The following TAFA2 variants were observed in gnomAD, a reference collection of about 807,000 sequenced individuals.
The protein encoded by TAFA2 is chemokine-like protein TAFA-2.
A neutral mutation model predicts 18.8 loss-of-function variants in TAFA2; 7 were observed. That is an observed-to-expected ratio of 0.37 (90% CI 0.21 to 0.70). The LOEUF (loss-of-function observed/expected upper bound fraction) is 0.70. TAFA2 is among the 30% of genes least tolerant of loss of function. The pLI, the probability that TAFA2 is intolerant of heterozygous loss-of-function variation, is 0.53. For synonymous variants in TAFA2, 60 were observed against 54.2 expected, an observed-to-expected ratio of 1.11 and a Z score of -0.47; for missense variants, 122 against 158.1, an observed-to-expected ratio of 0.77 and a Z score of 1.23.
intron 1 of TAFA2, among the ~76,000 whole-genome samples, chr12:62,240,546 T>C (rs943618410): frequency 2.0e-5 from 3 of 152,204 alleles, no homozygotes; most frequent in Non-Finnish European, 4.4e-5. Flanking sequence ...TTTTTGCTAG[T>C]ATTATTTTTA....
At chr12:62,162,302 T>C (rs2062412044) in intron 1 of TAFA2, among the ~76,000 whole-genome samples, 1 of 152,240 alleles carries the variant, frequency 6.6e-6, no homozygotes, top group South Asian at 2.1e-4. Flanking sequence ...ATAAAACTTC[T>C]TAGCTAACAC....
chr12:61,729,866 A>G (rs1870358364), intron 4 of TAFA2, among the ~76,000 whole-genome samples: 1 of 152,118 alleles, frequency 6.6e-6, no homozygotes. Context: ...GTCAGAGGAA[A>G]GATCTGGGAC....
At chr12:61,766,892 A>G (rs1338409444) in intron 2 of TAFA2, among the ~76,000 whole-genome samples, 1 of 152,010 alleles carries the variant, frequency 6.6e-6, no homozygotes, top group Non-Finnish European at 1.5e-5. Context: ...TCTAATGGAG[A>G]GCCAAGTACA....
At chr12:61,879,263 CCTT>C in intron 1 of TAFA2, 1 of 418,316 alleles carries the variant, frequency 2.4e-6, no homozygotes, top group Non-Finnish European at 4.3e-6. Flanking sequence ...CTTCTCCACT[CCTT>C]CTCGAATCTC....
chr12:61,788,455 C>T (rs1302247420), intron 2 of TAFA2, among the ~76,000 whole-genome samples: 2 of 151,620 alleles, frequency 1.3e-5, no homozygotes, highest in South Asian at 2.1e-4. Context: ...ATATGTTAGG[C>T]CACAAAATAA....
intron 1 of TAFA2, among the ~76,000 whole-genome samples, chr12:62,057,160 A>G (rs1239093053): frequency 6.6e-6 from 1 of 152,250 alleles, no homozygotes; most frequent in Non-Finnish European, 1.5e-5. Flanking sequence ...TTCAATGCTC[A>G]TAAAATGTTT....
chr12:62,184,316 T>C (rs1337301494), intron 1 of TAFA2, among the ~76,000 whole-genome samples: 1 of 152,122 alleles, frequency 6.6e-6, no homozygotes, highest in Non-Finnish European at 1.5e-5. Context: ...ACAACTGTCA[T>C]ATAACAGATT....
intron 2 of TAFA2, among the ~76,000 whole-genome samples, chr12:61,857,669 C>T (rs1379228497): frequency 2.6e-5 from 4 of 152,276 alleles, no homozygotes; most frequent in East Asian, 3.9e-4. Flanking sequence ...TTTTTCAAAA[C>T]GATTCTGAAG....
intron 1 of TAFA2, among the ~76,000 whole-genome samples, chr12:61,962,203 C>A (rs1878910874): frequency 6.6e-6 from 1 of 151,890 alleles, no homozygotes; most frequent in Admixed American, 6.6e-5. Context: ...AACCTAAATC[C>A]CTGAAAAGTA....
Position 62,018,203 on chromosome 12 carries a change from C to T in TAFA2, c.-1-150777G>A, listed in dbSNP as rs544727531. 1.8e-4 allele frequency among the ~76,000 whole-genome samples: 27 copies of T among 152,190 alleles called. No individual in the cohort carries two copies. The South Asian group carries it at 5.0e-3, about 28-fold the overall frequency. ...ATTAATGTGCATTATAAAATATTTCCCATCCCTCCAGGTAAACTCCATCAA... is the reference window on the plus strand; with the variant it reads ...ATTAATGTGCATTATAAAATATTTCTCATCCCTCCAGGTAAACTCCATCAA... On this transcript the variant is annotated intron_variant, in intron 1 of 4. Transcript: ENST00000416284.
chr12:61,966,001 A>G (rs1879053172), intron 1 of TAFA2, among the ~76,000 whole-genome samples: 1 of 151,848 alleles, frequency 6.6e-6, no homozygotes, highest in South Asian at 2.1e-4. Flanking sequence ...CCTTTGGGGT[A>G]TTTTAAATAA....
intron 1 of TAFA2, among the ~76,000 whole-genome samples, chr12:62,224,512 T>A (rs1244756183): frequency 6.6e-6 from 1 of 152,076 alleles, no homozygotes; most frequent in Non-Finnish European, 1.5e-5. Context: ...CTAATCTTAT[T>A]CATGAGGGCT....
intron 1 of TAFA2, among the ~76,000 whole-genome samples, chr12:61,899,335 C>T (rs1449555183): frequency 1.3e-5 from 2 of 152,088 alleles, no homozygotes; most frequent in Admixed American, 1.3e-4. Context: ...ATTTATTGTA[C>T]TAGTCCATTT....
intron 1 of TAFA2, among the ~76,000 whole-genome samples, chr12:62,041,740 T>C (rs348679): frequency 0.51 from 78,066 of 151,876 alleles, 20,717 homozygotes; most frequent in African/African-American, 0.64. Flanking sequence ...CATTACAATA[T>C]AGAATCTAAG....
intron 2 of TAFA2, among the ~76,000 whole-genome samples, chr12:61,817,856 T>C (rs1872149173): frequency 6.6e-6 from 1 of 152,016 alleles, no homozygotes; most frequent in Non-Finnish European, 1.5e-5. Context: ...CCTTCAGGCA[T>C]TTTTTTTCCC....
At chr12:61,900,089 A>C (rs1348128006) in intron 1 of TAFA2, among the ~76,000 whole-genome samples, 1 of 152,234 alleles carries the variant, frequency 6.6e-6, no homozygotes, top group Non-Finnish European at 1.5e-5. Context: ...ATAACAAAGT[A>C]TACACATCCA....
chr12:61,880,097 A>G, intron 1 of TAFA2: 4 of 634,614 alleles, frequency 6.3e-6, no homozygotes, highest in South Asian at 1.6e-5. Flanking sequence ...CATGGACAAC[A>G]TCATCACTGA....
At chr12:61,933,659 G>A (rs1448477945) in intron 1 of TAFA2, among the ~76,000 whole-genome samples, 2 of 152,144 alleles carry the variant, frequency 1.3e-5, no homozygotes, top group African/African-American at 4.8e-5. Context: ...GGAGTTTGAG[G>A]CTACAGTGAG....
chr12:61,960,884 G>T (rs1363037425), intron 1 of TAFA2, among the ~76,000 whole-genome samples: 1 of 151,348 alleles, frequency 6.6e-6, no homozygotes, highest in Non-Finnish European at 1.5e-5. Context: ...GAAAAAAATA[G>T]AACTTTTATT....
Sources: gnomAD v4.1 joint callset for allele counts (sites outside exome capture counted in the v4.1 genomes callset) on GRCh38, gnomAD v4.1.1 for gene constraint, MANE v1.5 for transcripts, NCBI Gene and HGNC (gene_info 2026-07-23, HGNC 2026-07-21) for gene names.